SLC36A2: variants seen among roughly 807,000 people sequenced by gnomAD.
The protein encoded by SLC36A2 is solute carrier family 36 member 2.
In SLC36A2, 39 loss-of-function variants were observed where a neutral mutation model predicts 42.7. That is an observed-to-expected ratio of 0.91 (90% confidence interval 0.71 to 1.19). The LOEUF (loss-of-function observed/expected upper bound fraction) is 1.19. Among genes scored for constraint, SLC36A2 ranks in the 50% most tolerant of loss-of-function variants. The pLI, the probability that SLC36A2 is intolerant of heterozygous loss-of-function variation, is 0.00. For synonymous variants in SLC36A2, 237 were observed against 240.8 expected, an observed-to-expected ratio of 0.98 and a Z score of 0.15; for missense variants, 590 against 613.7, an observed-to-expected ratio of 0.96 and a Z score of 0.41.
rs36053782 is a variant in SLC36A2, at chr5:151,335,542, C to T, written c.531G>A (p.Val177=). ...VFLADNLKQV[V]EAVNSTTNNC... ...TGTTGGTTGTGCTATTAACAGCTTCCACTACCTGAGGAAGGAATGGGAGAG... is the reference window on the plus strand; with the variant it reads ...TGTTGGTTGTGCTATTAACAGCTTCTACTACCTGAGGAAGGAATGGGAGAG... Residue 177 remains valine (V), a synonymous_variant, in exon 6 of 10, where the codon GTG becomes GTA. Coordinates refer to ENST00000335244, the MANE Select transcript of SLC36A2 (RefSeq NM_181776.3). 7.6e-3 allele frequency: 12,311 copies of T among 1,612,852 alleles called. 781 individuals are homozygous for T. The African/African-American group carries it at 0.14, about 19-fold the overall frequency.
At chr5:151,330,676 A>G (rs1409149850) in intron 7 of SLC36A2, among the ~76,000 whole-genome samples, 1 of 152,230 alleles carries the variant, frequency 6.6e-6, no homozygotes, top group African/African-American at 2.4e-5. Context: ...TAAGTTTATT[A>G]CAAGGACTAT....
chr5:151,316,958 G>T lies in SLC36A2; in HGVS notation c.1311C>A (p.Ser437Arg), dbSNP rs755127928. 1.2e-6 allele frequency: 2 copies of T among 1,614,030 alleles called. No individual in the cohort carries two copies. Reference sequence around the variant, plus strand: ...GGGCGTCCTTGAAGATGGTGAGGGGGCTCATGCCCTCTGAGTAGAACGTGG... The same window carrying T: ...GGGCGTCCTTGAAGATGGTGAGGGGTCTCATGCCCTCTGAGTAGAACGTGG... ...EVTTFYSEGM[S>R]PLTIFKDALI... The change falls in exon 10 of 10, where the codon AGC becomes AGA. Residue 437 changes from serine to arginine, a missense_variant. By Grantham distance (110) the Ser-to-Arg change is moderately radical. Coordinates refer to ENST00000335244, the MANE Select transcript of SLC36A2 (RefSeq NM_181776.3).
chr5:151,332,310 A>G (rs2127292968), intron 7 of SLC36A2: 1 of 409,668 alleles, frequency 2.4e-6, no homozygotes, highest in South Asian at 1.8e-5. Flanking sequence ...CAACAAAAAG[A>G]CAAACAGCCT....
At chr5:151,318,948 G>C (rs1755601062) in intron 9 of SLC36A2, among the ~76,000 whole-genome samples, 1 of 152,178 alleles carries the variant, frequency 6.6e-6, no homozygotes, top group Non-Finnish European at 1.5e-5. Flanking sequence ...CAGGAGCCTT[G>C]AGCAGGCCTC....
In SLC36A2 at chr5:151,335,560, T is replaced by C. The variant is rs777205188; in HGVS notation, c.526-13A>G. ...CAGCTTCCACTACCTGAGGAAGGAA[T>C]GGGAGAGGCAAAAGGGGGAGATGAT... is the stretch of plus-strand genomic sequence containing the variant. On this transcript the variant is annotated splice_polypyrimidine_tract_variant and intron_variant, in intron 5 of 9. Transcript: ENST00000335244. 8 of 1,587,610 alleles carry C rather than the reference T, an allele frequency of 5.0e-6. No individual in the cohort carries two copies. Among genetic ancestry groups the C allele is most frequent in the Non-Finnish European group, 6.9e-6 (8 of 1,156,116 alleles).
At chr5:151,343,460 C>A (rs1425998664) in intron 3 of SLC36A2, 50 bp downstream of exon 3, 2 of 1,563,734 alleles carry the variant, frequency 1.3e-6, no homozygotes, top group Admixed American at 3.3e-5. Context: ...TGGGCTATCC[C>A]TGAGAACCAT....
rs1276222185 is a variant in SLC36A2 at position 151,316,836 on chromosome 5, G to A, written c.1433C>T (p.Ser478Phe). The A allele has an allele frequency of 1.9e-6, 3 of 1,613,992 alleles. No individual in the cohort carries two copies. Among genetic ancestry groups the A allele is most frequent in the East Asian group, 2.2e-5 (1 of 44,892 alleles). Residue 478 changes from serine (S) to phenylalanine (F), a missense_variant, in exon 10 of 10, where the codon TCC becomes TTC. Ser to Phe is a radical substitution (Grantham distance 155). Coordinates refer to ENST00000335244, the MANE Select transcript of SLC36A2 (RefSeq NM_181776.3). ...KSEDSHPFSNSTTFVR is the reference protein window; with the variant it reads ...KSEDSHPFSNFTTFVR ...CCAGGCTCACCGAACAAAAGTGGTGGAGTTGGAAAAGGGGTGAGAGTCTTC... is the reference window on the plus strand; with the variant it reads ...CCAGGCTCACCGAACAAAAGTGGTGAAGTTGGAAAAGGGGTGAGAGTCTTC...
At chr5:151,333,409 G>C in intron 6 of SLC36A2, 87 bp from the exon 7 acceptor site, 1 of 1,137,818 alleles carries the variant, frequency 8.8e-7, no homozygotes, top group African/African-American at 1.5e-5. Context: ...AATGAGACCT[G>C]AATTTTTTAA....
Position 151,333,266 on chromosome 5 carries a change from G to C in SLC36A2, c.801C>G (p.Leu267=). The stretch of plus-strand genomic sequence containing the variant: ...AAGAAAAAATGGCTGTTCCGAAGAA[G>C]AGAGGGTAGGTCTTCCAGCTTGCTA... ...PLVASWKTYP[L]FFGTAIFSFE... Residue 267 remains leucine (L), a synonymous_variant, in exon 7 of 10, where the codon CTC becomes CTG. Transcript: ENST00000335244. The C allele has an allele frequency of 6.2e-7, 1 of 1,614,144 alleles. No individual in the cohort carries two copies. The highest frequency in any genetic ancestry group is 8.5e-7 in the Non-Finnish European group (1 of 1,179,986).
At chr5:151,332,356 A>G (rs74925736) in intron 7 of SLC36A2, 9,449 of 453,994 alleles carry the variant, frequency 0.021, 171 homozygotes, top group Middle Eastern at 0.032. Context: ...TGTTTCTCCA[A>G]AGAAGATGTG....
At position 151,333,306 on chromosome 5, in the gene SLC36A2, C is replaced by G. The variant is rs777558347; in HGVS notation, c.761G>C (p.Ser254Thr). The G allele has an allele frequency of 6.2e-7, 1 of 1,614,022 alleles. No homozygotes were observed. Among genetic ancestry groups the G allele is most frequent in the South Asian group, 1.1e-5 (1 of 91,076 alleles). ...CCAGCTTGCTACCAGTGGCAACCGGCTGGGGTCTGGGATTTCCTAAAGAAG... is the reference window on the plus strand; with the variant it reads ...CCAGCTTGCTACCAGTGGCAACCGGGTGGGGTCTGGGATTTCCTAAAGAAG... ...QYITQEIPDPSRLPLVASWKT... is the reference protein window; with the variant it reads ...QYITQEIPDPTRLPLVASWKT... The change falls in exon 7 of 10, where the codon AGC becomes ACC. Residue 254 changes from serine (S) to threonine (T), a missense_variant. Coordinates refer to ENST00000335244, the MANE Select transcript of SLC36A2 (RefSeq NM_181776.3).
At position 151,316,786 on chromosome 5, in the gene SLC36A2, G is replaced by C. The variant is rs749281540; in HGVS notation, c.*31C>G. 1.3e-6 allele frequency: 2 copies of C among 1,565,942 alleles called. No individual in the cohort carries two copies. Among genetic ancestry groups the C allele is most frequent in the South Asian group, 1.1e-5 (1 of 89,424 alleles). On this transcript the variant is annotated 3_prime_UTR_variant, in exon 10 of 10. Transcript: ENST00000335244. ...AAAGAGATCCATATAATTAAAAGTC[G>C]GGTGCTGGTAGGCAAGGAGCAGTGC... is the stretch of plus-strand genomic sequence containing the variant.
At position 151,321,978 on chromosome 5, in the gene SLC36A2, C is replaced by T. The variant is rs528537124; in HGVS notation, c.1180+68G>A. ...CAGGTGTAAGCCAATGCATCCGGCC[C>T]ATCTGGCTGATTCTTTATAGCCCTC... On this transcript the variant is annotated intron_variant, in intron 9 of 9. Transcript: ENST00000335244. The T allele has an allele frequency of 1.9e-6, 3 of 1,598,238 alleles. No homozygotes were observed. The East Asian group carries it at 6.7e-5, about 36-fold the overall frequency.
At chr5:151,336,489 TAAAA>T (rs1268879529) in intron 5 of SLC36A2, among the ~76,000 whole-genome samples, 4 of 121,118 alleles carry the variant, frequency 3.3e-5, no homozygotes, top group Non-Finnish European at 6.8e-5. Flanking sequence ...TTGCGTATAA[TAAAA>T]AAAGTCTATC....
chr5:151,325,497 C>G, intron 7 of SLC36A2, 45 bp from the exon 8 acceptor site: 10 of 1,604,526 alleles, frequency 6.2e-6, no homozygotes, highest in Non-Finnish European at 8.5e-6. Context: ...GTAACATGAA[C>G]AAAAAGAAAA....
chr5:151,317,843 A>T (rs1250006837), intron 9 of SLC36A2, among the ~76,000 whole-genome samples: 1 of 152,214 alleles, frequency 6.6e-6, no homozygotes, highest in Non-Finnish European at 1.5e-5. Flanking sequence ...TTCAACTGAC[A>T]ATAGGTAAGA....
intron 7 of SLC36A2, among the ~76,000 whole-genome samples, chr5:151,326,382 C>T (rs990870479): frequency 4.6e-5 from 7 of 152,136 alleles, no homozygotes; most frequent in Non-Finnish European, 1.0e-4. Flanking sequence ...CTCCTAATTC[C>T]TGTGCAGACT....
chr5:151,343,793 C>T (rs1756416387), intron 2 of SLC36A2, among the ~76,000 whole-genome samples, 195 bp from the exon 3 acceptor site: 1 of 152,112 alleles, frequency 6.6e-6, no homozygotes, highest in South Asian at 2.1e-4. Context: ...CAATAAAGCA[C>T]ATAAAGCAAT....
At chr5:151,321,477 C>T (rs1755687343) in intron 9 of SLC36A2, among the ~76,000 whole-genome samples, 1 of 151,924 alleles carries the variant, frequency 6.6e-6, no homozygotes, top group Admixed American at 6.6e-5. Context: ...TGCCAGAGTG[C>T]GCAGCAAGTT....
Sources: gnomAD v4.1 joint callset for allele counts (sites outside exome capture counted in the v4.1 genomes callset) on GRCh38, gnomAD v4.1.1 for gene constraint, MANE v1.5 for transcripts, NCBI Gene and HGNC (gene_info 2026-07-23, HGNC 2026-07-21) for gene names.